ATG10: variants seen among roughly 807,000 people sequenced by gnomAD.
ATG10 encodes the protein autophagy related 10.
In ATG10, 30 loss-of-function variants were observed where a neutral mutation model predicts 32.1. The observed-to-expected ratio is 0.94, with a 90% confidence interval of 0.70 to 1.27. The LOEUF (loss-of-function observed/expected upper bound fraction) is 1.27, where lower values mean the gene tolerates loss of function less well. Among genes scored for constraint, ATG10 ranks in the 50% most tolerant of loss-of-function variants. The pLI is 0.00. For synonymous variants in ATG10, 87 were observed against 91.5 expected (o/e 0.95, Z 0.28); for missense variants, 233 against 262.3 (o/e 0.89, Z 0.77).
intron 3 of ATG10, among the ~76,000 whole-genome samples, chr5:82,094,133 G>A (rs187322827): frequency 3.5e-4 from 54 of 152,206 alleles, no homozygotes; most frequent in African/African-American, 1.1e-3. Flanking sequence ...ACTTTGCCTC[G>A]GTTATACCTT....
At chr5:82,150,665 A>G (rs1767560226) in intron 3 of ATG10, among the ~76,000 whole-genome samples, 1 of 152,180 alleles carries the variant, frequency 6.6e-6, no homozygotes, top group Non-Finnish European at 1.5e-5. Flanking sequence ...GGTGATATCC[A>G]TATCCCCCTT....
At chr5:82,057,852 C>A (rs936328195) in intron 2 of ATG10, among the ~76,000 whole-genome samples, 1 of 151,992 alleles carries the variant, frequency 6.6e-6, no homozygotes, top group Non-Finnish European at 1.5e-5. Context: ...ATTTCTTCAG[C>A]GCTTGGAAGA....
intron 4 of ATG10, among the ~76,000 whole-genome samples, chr5:82,166,485 G>A (rs979206733): frequency 7.2e-5 from 11 of 152,198 alleles, no homozygotes; most frequent in African/African-American, 2.7e-4. Flanking sequence ...GGAGAAACAT[G>A]AAGAATGGTT....
intron 3 of ATG10, among the ~76,000 whole-genome samples, chr5:82,061,818 C>CTTTTTTTTT (rs11459926): frequency 1.2e-5 from 1 of 80,922 alleles, no homozygotes; most frequent in Non-Finnish European, 2.1e-5. Context: ...ACACACATAC[C>CTTTTTTTTT]TTTTTTTTTT....
At chr5:82,178,612 G>A (rs1489893069) in intron 5 of ATG10, 25 bp downstream of exon 5, 1 of 1,428,846 alleles carries the variant, frequency 7.0e-7, no homozygotes, top group Non-Finnish European at 9.9e-7. Flanking sequence ...TCATTTTATT[G>A]TATGCATGTT....
intron 3 of ATG10, among the ~76,000 whole-genome samples, chr5:82,150,527 A>G (rs919313095): frequency 2.6e-5 from 4 of 152,188 alleles, no homozygotes; most frequent in Admixed American, 6.5e-5. Context: ...TAACATTGCA[A>G]ATAGAAAAAG....
intron 3 of ATG10, among the ~76,000 whole-genome samples, chr5:82,113,942 T>TCCA (rs1255923930): frequency 6.6e-6 from 1 of 152,044 alleles, no homozygotes; most frequent in Non-Finnish European, 1.5e-5. Flanking sequence ...GTACTTTGAT[T>TCCA]TTGTTTGCAG....
intron 5 of ATG10, among the ~76,000 whole-genome samples, chr5:82,238,330 A>G (rs1746647379): frequency 6.6e-6 from 1 of 152,002 alleles, no homozygotes; most frequent in Admixed American, 6.6e-5. Flanking sequence ...TCGCAGTCCT[A>G]TTACCACGCC....
chr5:82,145,361 T>G (rs1371385225), intron 3 of ATG10, among the ~76,000 whole-genome samples: 1 of 152,152 alleles, frequency 6.6e-6, no homozygotes, highest in East Asian at 1.9e-4. Flanking sequence ...TTTTGGATTA[T>G]TTTTTAGAAT....
At chr5:82,246,701 T>G (rs1301186139) in intron 5 of ATG10, among the ~76,000 whole-genome samples, 1 of 152,132 alleles carries the variant, frequency 6.6e-6, no homozygotes, top group Non-Finnish European at 1.5e-5. Context: ...TCTTATGTCT[T>G]TTTTAAAAAA....
intron 2 of ATG10, among the ~76,000 whole-genome samples, chr5:82,017,899 GTTTC>G (rs1269251744): frequency 6.6e-6 from 1 of 151,890 alleles, no homozygotes; most frequent in Non-Finnish European, 1.5e-5. Flanking sequence ...CTCCTTTGCT[GTTTC>G]TTTATTTTTT....
At chr5:82,013,148 A>G (rs1762173436) in intron 2 of ATG10, among the ~76,000 whole-genome samples, 1 of 151,968 alleles carries the variant, frequency 6.6e-6, no homozygotes. Context: ...TTTTTAGTAA[A>G]GACGGGTTTT....
chr5:82,182,707 G>A (rs563299165), intron 5 of ATG10, among the ~76,000 whole-genome samples: 4 of 152,260 alleles, frequency 2.6e-5, no homozygotes, highest in Non-Finnish European at 5.9e-5. Context: ...GTTGCCAGGT[G>A]ATAGGGAGTG....
chr5:82,170,620 T>A (rs1401025490), intron 4 of ATG10, among the ~76,000 whole-genome samples: 1 of 152,082 alleles, frequency 6.6e-6, no homozygotes, highest in African/African-American at 2.4e-5. Flanking sequence ...GAGTTTGGGA[T>A]CAAAACCTCA....
intron 5 of ATG10, among the ~76,000 whole-genome samples, chr5:82,228,867 A>C (rs1746239076): frequency 6.6e-6 from 1 of 152,204 alleles, no homozygotes; most frequent in Admixed American, 6.5e-5. Flanking sequence ...TAGAGGCATA[A>C]AATTATCTTT....
At chr5:82,068,781 G>C (rs1764027890) in intron 3 of ATG10, among the ~76,000 whole-genome samples, 1 of 144,830 alleles carries the variant, frequency 6.9e-6, no homozygotes, top group Non-Finnish European at 1.5e-5. Flanking sequence ...TGAAAAAAAA[G>C]ACAATAGGTT....
At chr5:82,063,244 G>C (rs1581650532) in intron 3 of ATG10, among the ~76,000 whole-genome samples, 1 of 152,104 alleles carries the variant, frequency 6.6e-6, no homozygotes, top group East Asian at 1.9e-4. Flanking sequence ...GCATAAGCCT[G>C]GGTGTTTGAG....
intron 1 of ATG10, among the ~76,000 whole-genome samples, chr5:81,978,219 G>A (rs1032462717): frequency 4.6e-5 from 7 of 151,966 alleles, no homozygotes; most frequent in Admixed American, 3.9e-4. Context: ...ACATGTGCCC[G>A]CCACCACGCC....
intron 3 of ATG10, among the ~76,000 whole-genome samples, chr5:82,152,115 C>T (rs1767624628): frequency 6.6e-6 from 1 of 152,162 alleles, no homozygotes; most frequent in South Asian, 2.1e-4. Flanking sequence ...ATGTCTGCAC[C>T]ATTACTAAAT....
Sources: allele counts gnomAD v4.1 joint callset (sites outside exome capture counted in the v4.1 genomes callset), GRCh38; gene constraint gnomAD v4.1.1; transcripts MANE v1.5; gene names NCBI Gene and HGNC (gene_info 2026-07-23, HGNC 2026-07-21).